SLA: variants seen among roughly 807,000 people sequenced by gnomAD.
SLA encodes src-like-adapter.
In SLA, 16 loss-of-function variants were observed where a neutral mutation model predicts 30.3. The ratio of observed to expected loss-of-function variants is 0.53; its 90% confidence interval spans 0.36 to 0.80. SLA has a LOEUF of 0.80. Ranked by LOEUF, SLA falls within the 30% of genes least tolerant of loss-of-function variation. The probability of loss-of-function intolerance (pLI) is 0.01; values close to 1 mark genes in which losing one functional copy is unlikely to be tolerated. For missense variants in SLA, 310 were observed against 345.2 expected (o/e 0.90, Z 0.81); for synonymous variants, 143 against 137.8 (o/e 1.04, Z -0.26).
chr8:133,071,452 G>A (rs1844017419), intron 2 of SLA, among the ~76,000 whole-genome samples: 2 of 152,194 alleles, frequency 1.3e-5, no homozygotes, highest in Non-Finnish European at 1.5e-5. Flanking sequence ...TTTCTGGCAA[G>A]GTTATGGTAC....
At chr8:133,100,360 G>A (rs920623970) in intron 1 of SLA, among the ~76,000 whole-genome samples, 5 of 152,124 alleles carry the variant, frequency 3.3e-5, no homozygotes, top group African/African-American at 7.2e-5. Context: ...GCCATATTAT[G>A]TATTTGTCTG....
intron 7 of SLA, 39 bp downstream of exon 7, chr8:133,044,945 T>C: frequency 6.2e-7 from 1 of 1,610,048 alleles, no homozygotes. Flanking sequence ...CTAAGAGGGG[T>C]CCCACCATCA....
At chr8:133,101,014 C>T (rs1014496141) in intron 1 of SLA, among the ~76,000 whole-genome samples, 6 of 152,064 alleles carry the variant, frequency 3.9e-5, no homozygotes, top group African/African-American at 1.5e-4. Flanking sequence ...GTCTCTAGGT[C>T]AGCTAACTAG....
chr8:133,063,590 G>A (rs1466032318), intron 2 of SLA: 1 of 152,102 alleles, frequency 6.6e-6, no homozygotes, highest in African/African-American at 2.4e-5. Flanking sequence ...CCAGGGTCAT[G>A]AGATGAGAAA....
chr8:133,080,114 A>T (rs896281751), intron 1 of SLA, among the ~76,000 whole-genome samples: 3 of 152,182 alleles, frequency 2.0e-5, no homozygotes, highest in Admixed American at 6.5e-5. Flanking sequence ...TAGAAAGGTG[A>T]CATTTGAAAT....
intron 2 of SLA, among the ~76,000 whole-genome samples, chr8:133,074,121 C>A (rs1389347592): frequency 6.6e-6 from 1 of 152,140 alleles, no homozygotes; most frequent in Non-Finnish European, 1.5e-5. Flanking sequence ...AGAAAATTCC[C>A]GTTGTCCTAA....
In SLA at chr8:133,038,495, T is replaced by C. The variant is rs762350526; in HGVS notation, c.*29A>G. 3 of 1,528,632 alleles carry C rather than the reference T, an allele frequency of 2.0e-6. No individual in the cohort carries two copies. Among genetic ancestry groups the C allele is most frequent in the Non-Finnish European group, 2.7e-6 (3 of 1,102,056 alleles). 94.7% of individuals were successfully genotyped at this position (1,528,632 alleles called of 1,614,324 possible). On this transcript the variant is annotated 3_prime_UTR_variant, in exon 9 of 9. Coordinates refer to ENST00000338087, the MANE Select transcript of SLA (RefSeq NM_001045556.3). ...CAATAGTTGGAACTTCTGTTCCTTT[T>C]GGGCATGAACCATTGTGTCTGTTCT...
At chr8:133,092,350 C>T (rs1458908774) in intron 1 of SLA, among the ~76,000 whole-genome samples, 1 of 152,214 alleles carries the variant, frequency 6.6e-6, no homozygotes, top group African/African-American at 2.4e-5. Context: ...TTGACCTGAA[C>T]TATTTTTAAA....
At chr8:133,102,519 G>A (rs1188102748) in intron 1 of SLA, 34 bp downstream of exon 1, 5 of 1,549,766 alleles carry the variant, frequency 3.2e-6, no homozygotes, top group Non-Finnish European at 4.4e-6. Flanking sequence ...GGCCCACCCA[G>A]GGGGTCCCAA....
Position 133,075,036 on chromosome 8 carries a change from A to G in SLA, c.-224T>C, listed in dbSNP as rs1844649813. ...ACTGCAGTTGCTAAACTGGCCGCAT[A>G]CTTCCTCTGCTAGGAACGAGGAAGG... On this transcript the variant is annotated 5_prime_UTR_variant, in exon 2 of 9. Coordinates refer to ENST00000338087, the MANE Select transcript of SLA (RefSeq NM_001045556.3). 2.0e-6 allele frequency: 2 copies of G among 985,310 alleles called. No individual in the cohort carries two copies. Among genetic ancestry groups the G allele is most frequent in the African/African-American group, 3.5e-5 (2 of 57,224 alleles). The allele number at this position is 985,310 out of a possible 1,614,324, so 61.0% of individuals were successfully genotyped here. A position where few individuals can be genotyped will look rare whatever the true frequency, so the allele number is the denominator to read the frequency against.
chr8:133,083,393 CAAAT>C (rs1166370102), intron 1 of SLA, among the ~76,000 whole-genome samples: 1 of 152,204 alleles, frequency 6.6e-6, no homozygotes, highest in Non-Finnish European at 1.5e-5. Context: ...TTCATCTTAA[CAAAT>C]GAATGAGGTA....
chr8:133,037,710 A>G lies in SLA; in HGVS notation c.*814T>C, dbSNP rs923211735. ...CAATGCCTATTCGGGCAATAAATGA[A>G]TACTTGATGCATTCATACAGGCAAG... On this transcript the variant is annotated 3_prime_UTR_variant, in exon 9 of 9. Coordinates refer to ENST00000338087, the MANE Select transcript of SLA (RefSeq NM_001045556.3). 6.6e-6 allele frequency: 1 copy of G among 152,032 alleles called. No individual in the cohort carries two copies. Among genetic ancestry groups the G allele is most frequent in the Non-Finnish European group, 1.5e-5 (1 of 68,012 alleles). The allele number at this position is 152,032 out of a possible 1,614,324, so 9.4% of individuals were successfully genotyped here.
At chr8:133,086,997 A>G (rs1052510727) in intron 1 of SLA, among the ~76,000 whole-genome samples, 1 of 152,140 alleles carries the variant, frequency 6.6e-6, no homozygotes, top group Non-Finnish European at 1.5e-5. Context: ...ACAGAATGAT[A>G]TCGACAATGG....
chr8:133,044,585 G>A (rs1460085301), intron 7 of SLA, among the ~76,000 whole-genome samples: 2 of 152,086 alleles, frequency 1.3e-5, no homozygotes, highest in African/African-American at 4.8e-5. Context: ...TCGCAGAGGC[G>A]TTTCATGTTG....
intron 7 of SLA, among the ~76,000 whole-genome samples, chr8:133,042,663 C>A (rs1049703463): frequency 6.6e-5 from 9 of 135,566 alleles, no homozygotes; most frequent in Non-Finnish European, 1.4e-4. Context: ...GTGCACAATT[C>A]CTCTCATTCT....
chr8:133,051,959 G>C (rs1387230395), intron 3 of SLA, among the ~76,000 whole-genome samples: 1 of 152,216 alleles, frequency 6.6e-6, no homozygotes, highest in African/African-American at 2.4e-5. Flanking sequence ...AGAAAAGCAA[G>C]CCCATTCTTG....
intron 1 of SLA, among the ~76,000 whole-genome samples, chr8:133,084,931 C>G (rs1228425199): frequency 6.6e-6 from 1 of 152,232 alleles, no homozygotes; most frequent in African/African-American, 2.4e-5. Context: ...GAAAAATGGC[C>G]TGAATCCAAT....
At chr8:133,059,026 G>A (rs558049622) in intron 3 of SLA, 1 of 458,690 alleles carries the variant, frequency 2.2e-6, no homozygotes, top group African/African-American at 2.0e-5. Flanking sequence ...AGGCTCCTTT[G>A]TGAGGGAGCC....
In SLA at chr8:133,050,378, A is replaced by C. The variant is rs1046300849; in HGVS notation, c.162-390T>G. On this transcript the variant is annotated intron_variant, in intron 4 of 8. Coordinates refer to ENST00000338087, the MANE Select transcript of SLA (RefSeq NM_001045556.3). ...AAGATCTAAATAAAAGGGGCTTAGA[A>C]CTTCTGTCATGTTCTATAGCCCATA... The C allele has an allele frequency of 1.2e-4, 33 of 279,050 alleles. 1 individual carries two copies. In the South Asian group the frequency reaches 1.6e-3, roughly 14 times the overall value. 17.3% of individuals were successfully genotyped at this position (279,050 alleles called of 1,614,324 possible).
Sources: gnomAD v4.1 joint callset for allele counts (sites outside exome capture counted in the v4.1 genomes callset) on GRCh38, gnomAD v4.1.1 for gene constraint, MANE v1.5 for transcripts, NCBI Gene and HGNC (gene_info 2026-07-23, HGNC 2026-07-21) for gene names.